The following PLS1 variants were observed in gnomAD, a reference collection of about 807,000 sequenced individuals.
The protein encoded by PLS1 is plastin-1.
In PLS1, 32 loss-of-function variants were observed where a neutral mutation model predicts 73.7. The ratio of observed to expected loss-of-function variants is 0.43; its 90% CI spans 0.33 to 0.58. The LOEUF is 0.58. Ranked by LOEUF, PLS1 falls within the 20% of genes least tolerant of loss-of-function variation. The probability of loss-of-function intolerance (pLI) is 0.04; values close to 1 mark genes in which losing one functional copy is unlikely to be tolerated. For synonymous variants in PLS1, 217 were observed against 261.3 expected (o/e 0.83, Z 1.63); for missense variants, 633 against 740.5 (o/e 0.85, Z 1.68).
At chr3:142,644,701 G>A (rs141612174) in intron 1 of PLS1, among the ~76,000 whole-genome samples, 1 of 152,256 alleles carries the variant, frequency 6.6e-6, no homozygotes, top group African/African-American at 2.4e-5. Flanking sequence ...GAGTGTTGAC[G>A]GGACTTTATA....
intron 1 of PLS1, among the ~76,000 whole-genome samples, chr3:142,615,629 C>T (rs1221445300): frequency 6.6e-6 from 1 of 152,082 alleles, no homozygotes; most frequent in Non-Finnish European, 1.5e-5. Flanking sequence ...TATCCTTCTT[C>T]CCAGGAGCTT....
At chr3:142,647,492 C>G (rs1577833151) in intron 1 of PLS1, among the ~76,000 whole-genome samples, 1 of 132,990 alleles carries the variant, frequency 7.5e-6, no homozygotes, top group African/African-American at 3.1e-5. Flanking sequence ...TTTTCTTTTT[C>G]TTTTTCTTTT....
chr3:142,630,420 CAAAA>C (rs71153980), intron 1 of PLS1, among the ~76,000 whole-genome samples: 21,884 of 110,556 alleles, frequency 0.2, 1,672 homozygotes, highest in East Asian at 0.24. Context: ...GACCCTGCCT[CAAAA>C]AAAAAAAAAA....
intron 1 of PLS1, among the ~76,000 whole-genome samples, chr3:142,613,951 A>G (rs1177136656): frequency 1.3e-5 from 2 of 151,702 alleles, no homozygotes; most frequent in East Asian, 1.9e-4. Flanking sequence ...GCACCATAAA[A>G]TTCTATATTT....
chr3:142,670,100 G>A (rs2037573504), intron 3 of PLS1, among the ~76,000 whole-genome samples: 1 of 152,174 alleles, frequency 6.6e-6, no homozygotes, highest in Admixed American at 6.5e-5. Context: ...GTGGTAGAAG[G>A]AATTGAATTT....
At chr3:142,702,698 T>TA (rs2038355717) in intron 12 of PLS1, among the ~76,000 whole-genome samples, 2 of 152,086 alleles carry the variant, frequency 1.3e-5, no homozygotes, top group Non-Finnish European at 2.9e-5. Context: ...ATGATGCAGG[T>TA]AAAAAACCCT....
intron 1 of PLS1, among the ~76,000 whole-genome samples, chr3:142,616,952 C>G (rs2036226477): frequency 6.6e-6 from 1 of 152,100 alleles, no homozygotes; most frequent in Non-Finnish European, 1.5e-5. Context: ...TCAGATTATT[C>G]AAATTGCTTT....
rs1172089655 is a variant in PLS1 at position 142,676,109 on chromosome 3, A to G, written c.365-48A>G. On this transcript the variant is annotated intron_variant, in intron 4 of 15. Coordinates refer to ENST00000457734, the MANE Select transcript of PLS1 (RefSeq NM_001145319.2). ...TAGCTATGTATGTTTTTATAGTGCA[A>G]TAAAGTTTGTGAAATGAGATTTGCC... The G allele has an allele frequency of 5.1e-6, 8 of 1,561,052 alleles. No homozygotes were observed. In the African/African-American group the frequency reaches 5.5e-5, roughly 11 times the overall value.
chr3:142,703,165 CTATTTT>C (rs1471808851), intron 12 of PLS1, among the ~76,000 whole-genome samples: 2 of 151,440 alleles, frequency 1.3e-5, no homozygotes, highest in African/African-American at 4.9e-5. Context: ...ACTTTCTTTT[CTATTTT>C]TAAATTTTAA....
chr3:142,647,454 T>G (rs2036976205), intron 1 of PLS1, among the ~76,000 whole-genome samples: 3 of 152,162 alleles, frequency 2.0e-5, no homozygotes, highest in African/African-American at 7.2e-5. Flanking sequence ...TAGCTGGGGT[T>G]TGCATCTTTT....
chr3:142,598,798 C>G (rs1202339017), intron 1 of PLS1, among the ~76,000 whole-genome samples: 1 of 152,056 alleles, frequency 6.6e-6, no homozygotes, highest in African/African-American at 2.4e-5. Flanking sequence ...GAGATTGAGA[C>G]CATCCTGGCT....
chr3:142,628,551 G>A (rs1577797374), intron 1 of PLS1, among the ~76,000 whole-genome samples: 2 of 152,162 alleles, frequency 1.3e-5, no homozygotes, highest in East Asian at 3.8e-4. Context: ...AAAGTCAGAT[G>A]TGATAATACA....
intron 14 of PLS1, among the ~76,000 whole-genome samples, chr3:142,711,054 AAAC>A (rs1933105744): frequency 6.6e-6 from 1 of 152,182 alleles, no homozygotes; most frequent in Non-Finnish European, 1.5e-5. Context: ...AAAACATGTA[AAAC>A]AACAAGACAA....
At chr3:142,608,692 T>C (rs1188860592) in intron 1 of PLS1, among the ~76,000 whole-genome samples, 5 of 152,222 alleles carry the variant, frequency 3.3e-5, no homozygotes, top group African/African-American at 1.2e-4. Context: ...CTTATCTTAC[T>C]GGATATTTTT....
intron 4 of PLS1, among the ~76,000 whole-genome samples, chr3:142,675,882 C>T (rs963620735): frequency 5.3e-5 from 8 of 151,952 alleles, no homozygotes; most frequent in Admixed American, 2.0e-4. Context: ...CTCCATGTTG[C>T]TCAGGCTGGT....
chr3:142,688,388 G>T (rs896855220), intron 9 of PLS1, among the ~76,000 whole-genome samples: 17 of 152,200 alleles, frequency 1.1e-4, no homozygotes, highest in African/African-American at 4.1e-4. Flanking sequence ...CTTTGGTCAT[G>T]ATATACTCAT....
intron 1 of PLS1, among the ~76,000 whole-genome samples, chr3:142,653,216 G>A (rs1266173304): frequency 3.9e-5 from 6 of 152,058 alleles, no homozygotes; most frequent in African/African-American, 9.7e-5. Context: ...CACGTCTTTG[G>A]TCTTTGTCTT....
chr3:142,599,178 GAAT>G (rs2035866283), intron 1 of PLS1, among the ~76,000 whole-genome samples: 1 of 146,988 alleles, frequency 6.8e-6, no homozygotes, highest in African/African-American at 2.6e-5. Flanking sequence ...ATGAATGAAT[GAAT>G]AAATAAATAA....
chr3:142,693,929 C>T (rs2038139399), intron 10 of PLS1, among the ~76,000 whole-genome samples: 1 of 151,992 alleles, frequency 6.6e-6, no homozygotes, highest in African/African-American at 2.4e-5. Context: ...ATATTCCCCT[C>T]ATTGTGTGTT....
Sources: allele counts gnomAD v4.1 joint callset (sites outside exome capture counted in the v4.1 genomes callset), GRCh38; gene constraint gnomAD v4.1.1; transcripts MANE v1.5; gene names NCBI Gene and HGNC (gene_info 2026-07-23, HGNC 2026-07-21).